The following VTI1A variants were observed in gnomAD, a reference collection of about 807,000 sequenced individuals.
The protein encoded by VTI1A is vesicle transport through interaction with t-SNAREs homolog 1A.
In VTI1A, 22 loss-of-function variants were observed where a neutral mutation model predicts 34.9. The ratio of observed to expected loss-of-function variants is 0.63; its 90% CI spans 0.45 to 0.90. VTI1A has a LOEUF of 0.90. VTI1A is among the 40% of genes least tolerant of loss of function. The pLI is 0.00. For synonymous variants in VTI1A, 87 were observed against 97.3 expected, an observed-to-expected ratio of 0.89 and a Z score of 0.62; for missense variants, 268 against 275.6, an observed-to-expected ratio of 0.97 and a Z score of 0.20.
At chr10:112,731,527 A>G (rs1850258968) in intron 7 of VTI1A, among the ~76,000 whole-genome samples, 1 of 151,628 alleles carries the variant, frequency 6.6e-6, no homozygotes, top group Non-Finnish European at 1.5e-5. Flanking sequence ...GTGAGCCGAG[A>G]TCGTGCCACT....
intron 5 of VTI1A, among the ~76,000 whole-genome samples, chr10:112,572,828 G>C (rs1589920756): frequency 7.7e-6 from 1 of 129,512 alleles, no homozygotes; most frequent in East Asian, 2.3e-4. Flanking sequence ...GACAGAGCGA[G>C]ACTCCGTCTC....
At chr10:112,550,957 T>C (rs1372497133) in intron 5 of VTI1A, among the ~76,000 whole-genome samples, 1 of 152,094 alleles carries the variant, frequency 6.6e-6, no homozygotes, top group Non-Finnish European at 1.5e-5. Flanking sequence ...ATAAAGTACC[T>C]TCACGGCCGG....
At chr10:112,595,476 AACAAC>A (rs919551708) in intron 5 of VTI1A, among the ~76,000 whole-genome samples, 26 of 152,176 alleles carry the variant, frequency 1.7e-4, no homozygotes, top group Admixed American at 1.6e-3. Flanking sequence ...AAAAAAAACA[AACAAC>A]CCCATCAAAA....
chr10:112,705,199 G>C (rs1849154255), intron 7 of VTI1A, among the ~76,000 whole-genome samples: 1 of 151,928 alleles, frequency 6.6e-6, no homozygotes, highest in Non-Finnish European at 1.5e-5. Context: ...ACTGTGCCCA[G>C]CCCCTCTATT....
At chr10:112,807,295 T>C (rs1384250342) in intron 7 of VTI1A, among the ~76,000 whole-genome samples, 4 of 152,204 alleles carry the variant, frequency 2.6e-5, no homozygotes. Context: ...CGTAACAACA[T>C]GGCTTAAATG....
In VTI1A at chr10:112,483,870, G is replaced by A. The variant is rs116186105; in HGVS notation, c.264+19213G>A. Among the ~76,000 whole-genome samples, 610 of 152,304 alleles carry A rather than the reference G, an allele frequency of 4.0e-3. 4 individuals are homozygous for A. Among genetic ancestry groups the A allele is most frequent in the African/African-American group, 0.014 (589 of 41,550 alleles). ...GTATATCATTTATTCTTCACAGCCAGTTTATAATTCAGACACAGGAGGTGA... is the reference window on the plus strand; with the variant it reads ...GTATATCATTTATTCTTCACAGCCAATTTATAATTCAGACACAGGAGGTGA... On this transcript the variant is annotated intron_variant, in intron 3 of 7. Transcript: ENST00000393077.
chr10:112,805,543 C>G (rs1284047647), intron 7 of VTI1A, among the ~76,000 whole-genome samples: 3 of 152,234 alleles, frequency 2.0e-5, no homozygotes, highest in African/African-American at 7.2e-5. Context: ...GTACTAACCT[C>G]TGGTACCTCA....
chr10:112,634,386 C>G (rs927444380), intron 5 of VTI1A: 1 of 152,344 alleles, frequency 6.6e-6, no homozygotes, highest in African/African-American at 2.4e-5. Context: ...CTATTTAATT[C>G]TTGTTTTGGA....
intron 3 of VTI1A, among the ~76,000 whole-genome samples, chr10:112,505,912 G>A (rs1032990838): frequency 1.3e-5 from 2 of 152,100 alleles, no homozygotes; most frequent in South Asian, 2.1e-4. Context: ...GTAGTCCCCC[G>A]TTACCTACTT....
At chr10:112,743,017 T>C (rs1850749960) in intron 7 of VTI1A, among the ~76,000 whole-genome samples, 1 of 95,612 alleles carries the variant, frequency 1.0e-5, no homozygotes, top group Admixed American at 1.1e-4. Flanking sequence ...TATTCTCGTG[T>C]GTGTGTGTGT....
At chr10:112,659,675 A>C (rs979501790) in intron 5 of VTI1A, among the ~76,000 whole-genome samples, 1 of 152,254 alleles carries the variant, frequency 6.6e-6, no homozygotes, top group African/African-American at 2.4e-5. Flanking sequence ...TAGTGTTAAA[A>C]CATAATTGCT....
intron 3 of VTI1A, among the ~76,000 whole-genome samples, chr10:112,508,799 T>C (rs1849516929): frequency 6.6e-6 from 1 of 152,234 alleles, no homozygotes; most frequent in African/African-American, 2.4e-5. Flanking sequence ...GGATAAAATA[T>C]ACAAGTACTT....
At chr10:112,579,658 A>G (rs1843846840) in intron 5 of VTI1A, among the ~76,000 whole-genome samples, 2 of 152,344 alleles carry the variant, frequency 1.3e-5, no homozygotes, top group South Asian at 2.1e-4. Context: ...CATAAATGCT[A>G]CTTTTCAGAA....
At chr10:112,811,763 T>C (rs1424615272) in intron 7 of VTI1A, among the ~76,000 whole-genome samples, 3 of 140,374 alleles carry the variant, frequency 2.1e-5, no homozygotes, top group African/African-American at 8.0e-5. Flanking sequence ...TGGAGAACAC[T>C]CGTAATGCCT....
chr10:112,704,335 A>G (rs1849118746), intron 7 of VTI1A, among the ~76,000 whole-genome samples: 1 of 152,066 alleles, frequency 6.6e-6, no homozygotes, highest in Non-Finnish European at 1.5e-5. Context: ...CTAAATGAAG[A>G]AAACTAGTTG....
At chr10:112,729,872 A>T (rs779656796) in intron 7 of VTI1A, among the ~76,000 whole-genome samples, 1 of 152,222 alleles carries the variant, frequency 6.6e-6, no homozygotes, top group Admixed American at 6.5e-5. Flanking sequence ...GGCAAGTGTC[A>T]TGTCTTGTGA....
At chr10:112,670,505 T>C (rs1476562978) in intron 7 of VTI1A, among the ~76,000 whole-genome samples, 1 of 152,156 alleles carries the variant, frequency 6.6e-6, no homozygotes, top group Non-Finnish European at 1.5e-5. Flanking sequence ...TCGAAACCAA[T>C]GTATTTCTGT....
intron 5 of VTI1A, among the ~76,000 whole-genome samples, chr10:112,568,847 G>A (rs1852003128): frequency 6.6e-6 from 1 of 152,058 alleles, no homozygotes; most frequent in South Asian, 2.1e-4. Context: ...CCGCCATGCA[G>A]TAGGCCCACT....
intron 5 of VTI1A, among the ~76,000 whole-genome samples, chr10:112,630,587 T>C (rs1846092633): frequency 1.3e-5 from 2 of 152,312 alleles, no homozygotes; most frequent in East Asian, 3.9e-4. Context: ...TGTATAGTAT[T>C]AAGTGGTGGA....
Sources: allele counts gnomAD v4.1 joint callset (sites outside exome capture counted in the v4.1 genomes callset), GRCh38; gene constraint gnomAD v4.1.1; transcripts MANE v1.5; gene names NCBI Gene and HGNC (gene_info 2026-07-23, HGNC 2026-07-21).